ACSM5: variants seen among roughly 807,000 people sequenced by gnomAD.
ACSM5 encodes acyl-coenzyme A synthetase ACSM5, mitochondrial.
Under a neutral mutation model 71.6 loss-of-function variants are expected in ACSM5, and 56 were observed. The ratio of observed to expected loss-of-function variants is 0.78; its 90% CI spans 0.63 to 0.98. The LOEUF (loss-of-function observed/expected upper bound fraction) is 0.98. Among genes scored for constraint, ACSM5 ranks in the 50% least tolerant of loss-of-function variants. The pLI is 0.00. For missense variants in ACSM5, 723 were observed against 726.0 expected (o/e 1.00, Z 0.05); for synonymous variants, 285 against 281.5 (o/e 1.01, Z -0.12).
At chr16:20,416,220 A>G (rs1966856084) in intron 2 of ACSM5, among the ~76,000 whole-genome samples, 1 of 152,010 alleles carries the variant, frequency 6.6e-6, no homozygotes, top group Admixed American at 6.6e-5. Context: ...GTTTACAGAA[A>G]TAGACAACCT....
intron 5 of ACSM5, 56 bp from the exon 6 acceptor site, chr16:20,423,859 TC>T (rs1966924257): frequency 1.2e-6 from 2 of 1,601,528 alleles, no homozygotes. Context: ...GATAATACAA[TC>T]CTTTTTAAAG....
rs756756069 is a variant in ACSM5, at chr16:20,411,477, G to A, written c.-8G>A. 2.5e-6 allele frequency: 4 copies of A among 1,613,690 alleles called. No individual in the cohort carries two copies. The highest frequency in any genetic ancestry group is 2.2e-5 in the South Asian group (2 of 90,976). ...TCCTCTCTTTGGTGACAGACAGGAG[G>A]CGACTGCATGAGACCATGGCTGAGA... On this transcript the variant is annotated 5_prime_UTR_variant, in exon 2 of 14. Coordinates refer to ENST00000331849, the MANE Select transcript of ACSM5 (RefSeq NM_017888.3).
intron 2 of ACSM5, among the ~76,000 whole-genome samples, chr16:20,416,363 A>G (rs1407722517): frequency 6.6e-6 from 1 of 152,086 alleles, no homozygotes; most frequent in Non-Finnish European, 1.5e-5. Context: ...ACAGTGTGGC[A>G]CTAGCATAAG....
At chr16:20,430,143 C>T (rs1967065436) in intron 8 of ACSM5, among the ~76,000 whole-genome samples, 1 of 151,492 alleles carries the variant, frequency 6.6e-6, no homozygotes, top group African/African-American at 2.4e-5. Flanking sequence ...CAGGATTCAC[C>T]ACTATAGAAT....
intron 4 of ACSM5, 181 bp from the exon 5 acceptor site, chr16:20,421,077 G>A: frequency 3.5e-6 from 2 of 576,296 alleles, no homozygotes; most frequent in Non-Finnish European, 5.3e-6. Context: ...GTCTGCAAAA[G>A]GGTTATAATG....
At chr16:20,427,511 G>A (rs1329389757) in intron 6 of ACSM5, among the ~76,000 whole-genome samples, 1 of 152,230 alleles carries the variant, frequency 6.6e-6, no homozygotes, top group South Asian at 2.1e-4. Flanking sequence ...AGAAGCCATA[G>A]TCTTTGTATA....
At position 20,437,374 on chromosome 16, in the gene ACSM5, A is replaced by G. The variant is rs756720298; in HGVS notation, c.1536+7A>G. ...AGACCCCATCAGGGGAGAGGTAACC[A>G]GTGCACCCAAGAACATGGCCTCCTG... On this transcript the variant is annotated splice_region_variant and intron_variant, in intron 12 of 13. Coordinates refer to ENST00000331849, the MANE Select transcript of ACSM5 (RefSeq NM_017888.3). The G allele has an allele frequency of 6.3e-7, 1 of 1,596,038 alleles. No homozygotes were observed. Among genetic ancestry groups the G allele is most frequent in the South Asian group, 1.1e-5 (1 of 90,738 alleles).
chr16:20,420,630 A>T (rs1188208443), intron 4 of ACSM5, among the ~76,000 whole-genome samples: 1 of 152,178 alleles, frequency 6.6e-6, no homozygotes, highest in Admixed American at 6.5e-5. Flanking sequence ...ATCGGCTCAT[A>T]TGATTTTGAG....
Position 20,419,288 on chromosome 16 carries a change from A to G in ACSM5, c.476A>G (p.Gln159Arg), listed in dbSNP as rs749010470. The G allele has an allele frequency of 6.2e-7, 1 of 1,614,122 alleles. No homozygotes were observed. The highest frequency in any genetic ancestry group is 8.5e-7 in the Non-Finnish European group (1 of 1,180,014). ...LTEKDLKYRLQASRAKSIITS... is the reference protein window; with the variant it reads ...LTEKDLKYRLRASRAKSIITS... ...GAGAAGGACCTCAAGTACCGGCTGC[A>G]GGCGTCCAGGGCCAAGTCCATTATC... The change falls in exon 4 of 14, where the codon CAG becomes CGG. Residue 159 changes from glutamine to arginine, a missense_variant. Coordinates refer to ENST00000331849, the MANE Select transcript of ACSM5 (RefSeq NM_017888.3).
chr16:20,439,016 T>G (rs1967262987), intron 12 of ACSM5, among the ~76,000 whole-genome samples: 1 of 133,120 alleles, frequency 7.5e-6, no homozygotes, highest in Non-Finnish European at 1.6e-5. Flanking sequence ...GTAGTAAGAG[T>G]AAGAGGAAGC....
Position 20,409,610 on chromosome 16 carries a change from T to C in ACSM5, c.-71T>C, listed in dbSNP as rs7199791. Reference sequence around the variant, plus strand: ...TGTTTACAGCCACTCAGCCCTGCTCTGCTCAGCTGAAGCAGAAAACAGAGA... The same window carrying C: ...TGTTTACAGCCACTCAGCCCTGCTCCGCTCAGCTGAAGCAGAAAACAGAGA... On this transcript the variant is annotated 5_prime_UTR_variant, in exon 1 of 14. Coordinates refer to ENST00000331849, the MANE Select transcript of ACSM5 (RefSeq NM_017888.3). The C allele has an allele frequency of 0.17, 25,380 of 152,072 alleles. 3,973 individuals are homozygous for C. The highest frequency in any genetic ancestry group is 0.42 in the African/African-American group (17,298 of 41,400). 9.4% of individuals were successfully genotyped at this position (152,072 alleles called of 1,614,324 possible).
chr16:20,414,640 C>A (rs1966853251), intron 2 of ACSM5, among the ~76,000 whole-genome samples: 3 of 152,098 alleles, frequency 2.0e-5, no homozygotes, highest in Admixed American at 2.0e-4. Context: ...TTATTCAAAA[C>A]CAATACAGAT....
At chr16:20,432,291 C>A (rs1174488873) in intron 10 of ACSM5, among the ~76,000 whole-genome samples, 1 of 152,102 alleles carries the variant, frequency 6.6e-6, no homozygotes, top group Non-Finnish European at 1.5e-5. Flanking sequence ...GTTTCCCAGG[C>A]GATTCGAATG....
chr16:20,411,766 C>T lies in ACSM5; in HGVS notation c.204+78C>T, dbSNP rs561851865. ...TGTACCACAATGAGACTCAAGGCTC[C>T]AAGCATGTTGATGAGGAAATTTGGA... On this transcript the variant is annotated intron_variant, in intron 2 of 13. Transcript: ENST00000331849. 91 of 1,461,974 alleles carry T rather than the reference C, an allele frequency of 6.2e-5. No individual in the cohort carries two copies. In the East Asian group the frequency reaches 1.7e-3, roughly 28 times the overall value. 90.6% of individuals were successfully genotyped at this position (1,461,974 alleles called of 1,614,324 possible).
chr16:20,419,493 A>G, intron 4 of ACSM5, 58 bp downstream of exon 4: 2 of 1,533,974 alleles, frequency 1.3e-6, no homozygotes, highest in Non-Finnish European at 1.8e-6. Flanking sequence ...TTTAAGCAAC[A>G]AAAGATGAAA....
At position 20,437,043 on chromosome 16, in the gene ACSM5, G is replaced by C; in HGVS notation, c.1309-9G>C. On this transcript the variant is annotated splice_polypyrimidine_tract_variant and intron_variant, in intron 10 of 13. Transcript: ENST00000331849. Reference sequence around the variant, plus strand: ...AGAGGGTCCTTCACGGGTTGTCTTTGTCTTTCAGGACAATCCTGAGAAGAC... The same window carrying C: ...AGAGGGTCCTTCACGGGTTGTCTTTCTCTTTCAGGACAATCCTGAGAAGAC... The C allele has an allele frequency of 1.7e-5, 28 of 1,614,080 alleles. No individual in the cohort carries two copies. Among genetic ancestry groups the C allele is most frequent in the Non-Finnish European group, 2.3e-5 (27 of 1,180,000 alleles).
intron 6 of ACSM5, among the ~76,000 whole-genome samples, chr16:20,426,179 A>G (rs1966974715): frequency 6.6e-6 from 1 of 152,236 alleles, no homozygotes; most frequent in Non-Finnish European, 1.5e-5. Flanking sequence ...TTCTTAACCC[A>G]TATTGATTGT....
chr16:20,439,149 TTAA>T (rs1967265556), intron 12 of ACSM5, among the ~76,000 whole-genome samples: 1 of 147,280 alleles, frequency 6.8e-6, no homozygotes. Context: ...AATGCTGGAA[TTAA>T]TAAGCATCCA....
intron 8 of ACSM5, among the ~76,000 whole-genome samples, chr16:20,430,258 T>C (rs980231601): frequency 6.0e-5 from 9 of 149,450 alleles, no homozygotes; most frequent in African/African-American, 2.0e-4. Flanking sequence ...TAAAAAAAGG[T>C]AATTTAAAGT....
Sources: gnomAD v4.1 joint callset for allele counts (sites outside exome capture counted in the v4.1 genomes callset) on GRCh38, gnomAD v4.1.1 for gene constraint, MANE v1.5 for transcripts, NCBI Gene and HGNC (gene_info 2026-07-23, HGNC 2026-07-21) for gene names.